WDR72: variants seen among roughly 807,000 people sequenced by gnomAD.
WDR72 encodes WD repeat-containing protein 72.
Under a neutral mutation model 124.2 loss-of-function variants are expected in WDR72, and 120 were observed. The observed-to-expected ratio is 0.97, with a 90% CI of 0.83 to 1.12. WDR72 has a LOEUF of 1.12. WDR72 is among the 50% of genes most tolerant of loss of function. WDR72 has a pLI of 0.00. For missense variants in WDR72, 1,387 were observed against 1,278.8 expected, an observed-to-expected ratio of 1.08 and a Z score of -1.29; for synonymous variants, 452 against 441.7, an observed-to-expected ratio of 1.02 and a Z score of -0.29.
intron 14 of WDR72, among the ~76,000 whole-genome samples, chr15:53,639,855 TG>T (rs769852548): frequency 1.3e-5 from 2 of 152,094 alleles, no homozygotes; most frequent in Admixed American, 1.3e-4. Context: ...TTGCCTTCCT[TG>T]GAGTTCCCAT....
chr15:53,605,769 C>T (rs752720026), intron 17 of WDR72, among the ~76,000 whole-genome samples: 15 of 152,012 alleles, frequency 9.9e-5, no homozygotes, highest in African/African-American at 2.2e-4. Flanking sequence ...GCAGAAGCGT[C>T]GCTTGAACCT....
intron 3 of WDR72, among the ~76,000 whole-genome samples, chr15:53,717,368 G>A (rs2017743006): frequency 6.6e-6 from 1 of 152,120 alleles, no homozygotes; most frequent in Non-Finnish European, 1.5e-5. Flanking sequence ...AGTCTTGAGA[G>A]TTTTAACACA....
chr15:53,641,126 G>T (rs2014833365), intron 14 of WDR72, among the ~76,000 whole-genome samples: 1 of 151,598 alleles, frequency 6.6e-6, no homozygotes, highest in Non-Finnish European at 1.5e-5. Context: ...TTCATCTGAA[G>T]TTTATTTTTG....
chr15:53,630,693 A>C (rs564065172), intron 14 of WDR72, among the ~76,000 whole-genome samples: 20 of 152,330 alleles, frequency 1.3e-4, no homozygotes, highest in African/African-American at 4.6e-4. Flanking sequence ...GAAACTAGGA[A>C]TAGAAAAGAA....
intron 13 of WDR72, among the ~76,000 whole-genome samples, chr15:53,693,185 G>T (rs2016896810): frequency 2.0e-5 from 3 of 152,168 alleles, no homozygotes; most frequent in South Asian, 2.1e-4. Flanking sequence ...GGTATAGTTG[G>T]TCACTAGTGT....
At chr15:53,609,711 C>T (rs2013452257) in intron 16 of WDR72, 119 bp from the exon 17 acceptor site, 4 of 784,128 alleles carry the variant, frequency 5.1e-6, no homozygotes, top group Admixed American at 2.0e-5. Context: ...CACCAATGCC[C>T]AGGTTCAATC....
At chr15:53,636,613 G>A (rs2014633506) in intron 14 of WDR72, among the ~76,000 whole-genome samples, 1 of 152,042 alleles carries the variant, frequency 6.6e-6, no homozygotes, top group Admixed American at 6.6e-5. Flanking sequence ...TTCTTCATTA[G>A]ATAATTATAC....
At chr15:53,694,572 A>C (rs1871724009) in intron 13 of WDR72, among the ~76,000 whole-genome samples, 1 of 152,158 alleles carries the variant, frequency 6.6e-6, no homozygotes, top group Non-Finnish European at 1.5e-5. Context: ...TTCTTATCTA[A>C]TTCCCTGCTT....
chr15:53,547,173 T>C (rs1375684387), intron 18 of WDR72, among the ~76,000 whole-genome samples: 1 of 152,198 alleles, frequency 6.6e-6, no homozygotes, highest in East Asian at 1.9e-4. Flanking sequence ...TATTTAACAT[T>C]GAGTTGAACA....
intron 9 of WDR72, among the ~76,000 whole-genome samples, chr15:53,707,439 C>CTAAATGAATTTTTTCTAA (rs2017412436): frequency 9.2e-6 from 1 of 108,328 alleles, no homozygotes; most frequent in South Asian, 3.8e-4. Context: ...CCAATAAAGT[C>CTAAATGAATTTTTTCTAA]AGTTTCTAAA....
rs562378748 is a variant in WDR72, at chr15:53,704,592, T to C, written c.1348+396A>G. On this transcript the variant is annotated intron_variant, in intron 11 of 19. Coordinates refer to ENST00000360509, the MANE Select transcript of WDR72 (RefSeq NM_182758.4). Reference sequence around the variant, plus strand: ...CCCAGGCTGGAGTGCAGTGGCGTGATCTCAGCTCACTGCAAGCTCTGCTCC... The same window carrying C: ...CCCAGGCTGGAGTGCAGTGGCGTGACCTCAGCTCACTGCAAGCTCTGCTCC... Among the ~76,000 whole-genome samples, 6 of 151,594 alleles carry C rather than the reference T, an allele frequency of 4.0e-5. No individual in the cohort carries two copies. The South Asian group carries it at 1.3e-3, about 32-fold the overall frequency.
intron 9 of WDR72, 126 bp from the exon 10 acceptor site, chr15:53,706,200 A>C (rs1266879275): frequency 1.3e-5 from 15 of 1,125,050 alleles, no homozygotes; most frequent in Non-Finnish European, 1.9e-5. Context: ...CACTCTTTTG[A>C]CATTTTCAAG....
intron 18 of WDR72, among the ~76,000 whole-genome samples, chr15:53,584,563 T>C (rs1454107807): frequency 6.6e-6 from 1 of 152,028 alleles, no homozygotes. Flanking sequence ...ACTAAATAGA[T>C]ACTTGGACAA....
chr15:53,550,969 A>G (rs1174225995), intron 18 of WDR72, among the ~76,000 whole-genome samples: 2 of 152,212 alleles, frequency 1.3e-5, no homozygotes, highest in African/African-American at 4.8e-5. Flanking sequence ...AGAAATTCAC[A>G]GTTTGTCATG....
intron 18 of WDR72, among the ~76,000 whole-genome samples, chr15:53,585,677 A>G (rs2012167731): frequency 6.6e-6 from 1 of 152,036 alleles, no homozygotes. Flanking sequence ...TCAGCCTAAC[A>G]GAAACTCTAA....
chr15:53,560,312 G>A (rs562824319), intron 18 of WDR72, among the ~76,000 whole-genome samples: 3 of 151,938 alleles, frequency 2.0e-5, no homozygotes, highest in South Asian at 2.1e-4. Flanking sequence ...ACACGGTAGG[G>A]GTTTGACATC....
At chr15:53,614,116 A>G (rs2013662339) in intron 15 of WDR72, among the ~76,000 whole-genome samples, 1 of 152,056 alleles carries the variant, frequency 6.6e-6, no homozygotes, top group African/African-American at 2.4e-5. Context: ...ATATGTTCAC[A>G]TCTGTCAAAG....
At chr15:53,716,145 A>G (rs986590714) in intron 4 of WDR72, among the ~76,000 whole-genome samples, 2 of 152,168 alleles carry the variant, frequency 1.3e-5, no homozygotes, top group African/African-American at 4.8e-5. Context: ...ACCATCTACT[A>G]AAAGCCAAGA....
At chr15:53,536,494 T>C (rs1374087915) in intron 18 of WDR72, among the ~76,000 whole-genome samples, 3 of 152,080 alleles carry the variant, frequency 2.0e-5, no homozygotes, top group African/African-American at 7.2e-5. Context: ...TCGGTCGACC[T>C]CCAAAGAAAG....
Sources: gnomAD v4.1 joint callset for allele counts (sites outside exome capture counted in the v4.1 genomes callset) on GRCh38, gnomAD v4.1.1 for gene constraint, MANE v1.5 for transcripts, NCBI Gene and HGNC (gene_info 2026-07-23, HGNC 2026-07-21) for gene names.